SPAG17: variants seen among roughly 807,000 people sequenced by gnomAD.
SPAG17 encodes the protein sperm-associated antigen 17.
Under a neutral mutation model 273.6 loss-of-function variants are expected in SPAG17, and 169 were observed. The observed-to-expected ratio is 0.62, with a 90% CI of 0.55 to 0.70. The LOEUF is 0.70. Ranked by LOEUF, SPAG17 falls within the 30% of genes least tolerant of loss-of-function variation. The pLI, the probability that SPAG17 is intolerant of heterozygous loss-of-function variation, is 0.00. For synonymous variants in SPAG17, 825 were observed against 873.2 expected (o/e 0.94, Z 0.97); for missense variants, 2,557 against 2,627.8 (o/e 0.97, Z 0.59).
intron 3 of SPAG17, among the ~76,000 whole-genome samples, chr1:118,124,337 A>G (rs898035512): frequency 3.9e-5 from 6 of 152,042 alleles, no homozygotes; most frequent in African/African-American, 1.5e-4. Flanking sequence ...TATATTTCCT[A>G]AGGGATTTAG....
intron 4 of SPAG17, among the ~76,000 whole-genome samples, chr1:118,105,886 G>A (rs917930645): frequency 6.6e-6 from 1 of 152,088 alleles, no homozygotes; most frequent in African/African-American, 2.4e-5. Context: ...AGAAATCAGA[G>A]AGGCAGAGAA....
chr1:118,044,631 T>A (rs1257685844), intron 20 of SPAG17, among the ~76,000 whole-genome samples: 1 of 152,216 alleles, frequency 6.6e-6, no homozygotes, highest in Non-Finnish European at 1.5e-5. Flanking sequence ...TGCTCAAATC[T>A]CATGTGGAAC....
intron 36 of SPAG17, among the ~76,000 whole-genome samples, chr1:117,991,929 T>C (rs1240812343): frequency 3.9e-5 from 6 of 152,218 alleles, no homozygotes; most frequent in African/African-American, 1.4e-4. Context: ...AGAAACGTAC[T>C]TTATTTTTTT....
At chr1:118,079,507 T>C (rs1654364842) in intron 15 of SPAG17, among the ~76,000 whole-genome samples, 1 of 152,082 alleles carries the variant, frequency 6.6e-6, no homozygotes, top group African/African-American at 2.4e-5. Context: ...TTTATCAATA[T>C]TGTTAGTCTA....
chr1:117,959,211 T>A, intron 48 of SPAG17: 1 of 1,506,128 alleles, frequency 6.6e-7, no homozygotes, highest in Non-Finnish European at 8.9e-7. Context: ...CCTGAAGCTT[T>A]GGTTACCCTA....
At chr1:118,012,152 C>T in intron 30 of SPAG17, 76 bp downstream of exon 30, 1 of 1,421,284 alleles carries the variant, frequency 7.0e-7, no homozygotes, top group South Asian at 1.3e-5. Flanking sequence ...GTATGTTCAG[C>T]AGTCAGTGAG....
chr1:118,020,950 C>T (rs1196284090), intron 28 of SPAG17, among the ~76,000 whole-genome samples: 1 of 151,962 alleles, frequency 6.6e-6, no homozygotes, highest in Non-Finnish European at 1.5e-5. Flanking sequence ...ACATATTGCC[C>T]ATGGCTGTTT....
At chr1:118,053,062 G>A (rs1202882325) in intron 20 of SPAG17, among the ~76,000 whole-genome samples, 2 of 151,894 alleles carry the variant, frequency 1.3e-5, no homozygotes, top group African/African-American at 4.8e-5. Flanking sequence ...CTGAACTTAA[G>A]GAAACAATGG....
intron 3 of SPAG17, among the ~76,000 whole-genome samples, chr1:118,147,023 C>T (rs2102336764): frequency 6.6e-6 from 1 of 152,298 alleles, no homozygotes; most frequent in Admixed American, 6.5e-5. Flanking sequence ...ATACACTTTA[C>T]CTGTCTCTCA....
At chr1:118,168,300 T>C (rs746197881) in intron 1 of SPAG17, among the ~76,000 whole-genome samples, 2 of 152,116 alleles carry the variant, frequency 1.3e-5, no homozygotes, top group Non-Finnish European at 2.9e-5. Context: ...AAGGGAAAAG[T>C]TGGAGTTTGG....
Position 117,970,062 on chromosome 1 carries a change from A to T in SPAG17, c.6381T>A (p.Pro2127=). 1 of 1,613,696 alleles carries T rather than the reference A, an allele frequency of 6.2e-7. No individual in the cohort carries two copies. Among genetic ancestry groups the T allele is most frequent in the East Asian group, 2.2e-5 (1 of 44,874 alleles). Reference sequence around the variant, plus strand: ...GATGACATATAGGACTTACAGGTCCAGGTTTGTAAGTCACTTTCAGTCCTG... The same window carrying T: ...GATGACATATAGGACTTACAGGTCCTGGTTTGTAAGTCACTTTCAGTCCTG... ...PSTGLKVTYK[P]GPVAAGMQTE... is the part of the protein sequence containing the mutation. The change falls in exon 46 of 49, where the codon CCT becomes CCA. Residue 2127 remains proline, a synonymous_variant. Transcript: ENST00000336338.
In SPAG17 at chr1:118,086,056, T is replaced by A. The variant is rs763445009; in HGVS notation, c.1628A>T (p.Asp543Val). 1.9e-6 allele frequency: 3 copies of A among 1,613,580 alleles called. No homozygotes were observed. The change falls in exon 13 of 49, where the codon GAT becomes GTT. Residue 543 changes from aspartate (D) to valine (V), a missense_variant. Asp to Val is a radical substitution (Grantham distance 152). Coordinates refer to ENST00000336338, the MANE Select transcript of SPAG17 (RefSeq NM_206996.4). Reference sequence around the variant, plus strand: ...CATCTCCTGCTCAATTTGAACTGGATCAAAATTCTTTTGGTCCTGATGAAA... The same window carrying A: ...CATCTCCTGCTCAATTTGAACTGGAACAAAATTCTTTTGGTCCTGATGAAA... ...KYALQDQKNFDPVQIEQEMQS... is the reference protein window; with the variant it reads ...KYALQDQKNFVPVQIEQEMQS...
rs1010784323 is a variant in SPAG17 at position 118,126,331 on chromosome 1, G to A, written c.316-10890C>T. Among the ~76,000 whole-genome samples, 67 of 146,818 alleles carry A rather than the reference G, an allele frequency of 4.6e-4. 1 individual carries two copies. The highest frequency in any genetic ancestry group is 8.7e-4 in the South Asian group (4 of 4,588). The stretch of plus-strand genomic sequence containing the variant: ...TGCCATTCTCCTGCTTTAGTCTCCC[G>A]AGTAGCTGGAACTACAGGCGCCCGC... On this transcript the variant is annotated intron_variant, in intron 3 of 48. Coordinates refer to ENST00000336338, the MANE Select transcript of SPAG17 (RefSeq NM_206996.4).
chr1:118,173,143 C>A lies in SPAG17; in HGVS notation c.87+11928G>T, dbSNP rs535602220. Among the ~76,000 whole-genome samples, 61 of 151,110 alleles carry A rather than the reference C, an allele frequency of 4.0e-4. No individual in the cohort carries two copies. The East Asian group carries it at 0.011, about 28-fold the overall frequency. On this transcript the variant is annotated intron_variant, in intron 1 of 48. Transcript: ENST00000336338. ...CTTTGCCCACCATTAAAAAAAAAAA[C>A]CGTAGAGACTAACGTAGCAGTATAG...
intron 48 of SPAG17, among the ~76,000 whole-genome samples, chr1:117,958,038 C>G (rs867029231): frequency 3.9e-5 from 6 of 152,196 alleles, no homozygotes; most frequent in Non-Finnish European, 8.8e-5. Flanking sequence ...TTCTTCTCAT[C>G]TCTCACCCTC....
intron 20 of SPAG17, among the ~76,000 whole-genome samples, chr1:118,043,754 G>T (rs1557948950): frequency 6.6e-6 from 1 of 152,170 alleles, no homozygotes; most frequent in Non-Finnish European, 1.5e-5. Context: ...ATGCAGACTA[G>T]CTGTTATATT....
At position 118,093,196 on chromosome 1, in the gene SPAG17, A is replaced by G. The variant is rs1435849360; in HGVS notation, c.1133T>C (p.Val378Ala). 6.2e-7 allele frequency: 1 copy of G among 1,613,544 alleles called. No homozygotes were observed. The highest frequency in any genetic ancestry group is 8.5e-7 in the Non-Finnish European group (1 of 1,179,782). Residue 378 changes from valine (V) to alanine (A), a missense_variant, in exon 8 of 49, where the codon GTT (valine) becomes GCT (alanine). Coordinates refer to ENST00000336338, the MANE Select transcript of SPAG17 (RefSeq NM_206996.4). ...GGCTTCTAATACAGGTTTCTCATTA[A>G]CCACTTGTGGAACATTAATAAGCTG... The part of the protein sequence containing the change: ...SMQLINVPQV[V>A]NEKPVLEAMP...
At chr1:118,028,523 G>A (rs1648049714) in intron 25 of SPAG17, 129 bp from the exon 26 acceptor site, 4 of 1,087,422 alleles carry the variant, frequency 3.7e-6, no homozygotes, top group Non-Finnish European at 3.8e-6. Flanking sequence ...CCCCTGCAAG[G>A]ACGCAGGAGT....
intron 4 of SPAG17, among the ~76,000 whole-genome samples, chr1:118,107,354 C>T (rs1307586301): frequency 6.6e-6 from 1 of 152,144 alleles, no homozygotes. Context: ...ATTCATCCTG[C>T]TCACTTCCCT....
Sources: allele counts gnomAD v4.1 joint callset (sites outside exome capture counted in the v4.1 genomes callset), GRCh38; gene constraint gnomAD v4.1.1; transcripts MANE v1.5; gene names NCBI Gene and HGNC (gene_info 2026-07-23, HGNC 2026-07-21).